SPTB: variants seen among roughly 807,000 people sequenced by gnomAD.
The protein encoded by SPTB is spectrin beta chain, erythrocytic.
In SPTB, 45 loss-of-function variants were observed where a neutral mutation model predicts 256.2. The observed-to-expected ratio is 0.18, with a 90% CI of 0.14 to 0.23. The LOEUF is 0.23. Among genes scored for constraint, SPTB ranks in the 10% least tolerant of loss-of-function variants. The pLI is 1.00. For missense variants in SPTB, 2,715 were observed against 3,040.4 expected, an observed-to-expected ratio of 0.89 and a Z score of 2.52; for synonymous variants, 1,231 against 1,243.1, an observed-to-expected ratio of 0.99 and a Z score of 0.21.
chr14:64,757,963 C>T (rs113315353), intron 32 of SPTB, among the ~76,000 whole-genome samples: 3,076 of 152,204 alleles, frequency 0.02, 43 homozygotes, highest in Non-Finnish European at 0.032. Flanking sequence ...CACCCCTTCC[C>T]AGGTGTTGGG....
At chr14:64,752,117 A>C in intron 33 of SPTB, 1 of 1,204,022 alleles carries the variant, frequency 8.3e-7, no homozygotes, top group South Asian at 1.3e-5. Context: ...AAAACAAAAC[A>C]CAAAAAAAGA....
At position 64,753,719 on chromosome 14, in the gene SPTB, T is replaced by C. The variant is rs769148718; in HGVS notation, c.6420A>G (p.Lys2140=). Residue 2140 remains lysine (K), a synonymous_variant, in exon 33 of 36, where the codon AAA becomes AAG. Coordinates refer to ENST00000644917, the MANE Select transcript of SPTB (RefSeq NM_001355436.2). ...TGGTGGGCCTCTCATCCCCAGTGGA[T>C]TTCTGCCCATCCTTGTGCTGACCCG... is the stretch of plus-strand genomic sequence containing the variant. ...PPPGQHKDGQ[K]STGDERPTTE... The C allele has an allele frequency of 4.3e-6, 7 of 1,613,778 alleles. 1 individual carries two copies. The South Asian group carries it at 7.7e-5, about 18-fold the overall frequency.
rs771754701 is a variant in SPTB at position 64,766,799 on chromosome 14, G to A, written c.6272C>T (p.Pro2091Leu). ...IAERPAEETG[P>L]QEEEGETAGE... ...TGCTGTCTCGCCTTCCTCCTCTTGA[G>A]GCCTAAGGAAGACACAGTCTCTCTT... Residue 2091 changes from proline (P) to leucine (L), a missense_variant and splice_region_variant, in exon 32 of 36, where the codon CCT (proline) becomes CTT (leucine). Around this residue, in one of 4 missense-constraint regions of SPTB, gnomAD observed 2,239 missense variants for 2,384.4 expected, o/e 0.94. Transcript: ENST00000644917. 3.1e-6 allele frequency: 5 copies of A among 1,611,238 alleles called. No individual in the cohort carries two copies. The South Asian group carries it at 5.5e-5, about 18-fold the overall frequency.
intron 2 of SPTB, among the ~76,000 whole-genome samples, chr14:64,817,383 AT>A (rs1189177401): frequency 6.6e-6 from 1 of 152,224 alleles, no homozygotes; most frequent in Non-Finnish European, 1.5e-5. Flanking sequence ...ATTTCTGTGG[AT>A]AGTATATTTT....
At chr14:64,817,321 T>C (rs6573574) in intron 2 of SPTB, among the ~76,000 whole-genome samples, 8,508 of 152,316 alleles carry the variant, frequency 0.056, 836 homozygotes, top group African/African-American at 0.19. Context: ...AGAAAGCTGC[T>C]GATCCAATTT....
intron 33 of SPTB, among the ~76,000 whole-genome samples, chr14:64,753,239 A>C (rs2081976176): frequency 6.6e-6 from 1 of 152,208 alleles, no homozygotes; most frequent in African/African-American, 2.4e-5. Context: ...CAGTATCTGT[A>C]GTGAAAAGAC....
In SPTB at chr14:64,793,195, A is replaced by T. The variant is rs1409112163; in HGVS notation, c.2468T>A (p.Leu823Gln). ...FRDSPDVTHR[L>Q]QALRELYQQV... ...TTGGTAGAGCTCCCGCAGGGCCTGC[A>T]GCCGATGGGTCACATCTGGGGAATC... The change falls in exon 14 of 36, where the codon CTG becomes CAG. Residue 823 changes from leucine to glutamine, a missense_variant. By Grantham distance (113) the Leu-to-Gln change is moderately radical. This residue lies in a region of SPTB where 2,239 missense variants were observed against 2,384.4 expected (regional missense o/e 0.94). Transcript: ENST00000644917. The surrounding 1 kb of genome is among the most constrained non-coding windows in gnomAD (Gnocchi z 7.0). 1 of 1,613,162 alleles carries T rather than the reference A, an allele frequency of 6.2e-7. No individual in the cohort carries two copies. Among genetic ancestry groups the T allele is most frequent in the Non-Finnish European group, 8.5e-7 (1 of 1,180,030 alleles).
chr14:64,822,360 T>C (rs2083303625), intron 2 of SPTB, among the ~76,000 whole-genome samples: 3 of 1,808 alleles, frequency 1.7e-3, no homozygotes, highest in Non-Finnish European at 3.1e-3. Flanking sequence ...CTTCTCTCTC[T>C]CTCTCTCTCT....
At chr14:64,855,070 A>G (rs1327600164) in intron 1 of SPTB, among the ~76,000 whole-genome samples, 1 of 152,204 alleles carries the variant, frequency 6.6e-6, no homozygotes, top group African/African-American at 2.4e-5. Flanking sequence ...TGGTCAAATG[A>G]CAGCAGAGAC....
intron 2 of SPTB, among the ~76,000 whole-genome samples, chr14:64,812,401 G>A (rs1200165283): frequency 6.6e-6 from 1 of 152,174 alleles, no homozygotes; most frequent in Admixed American, 6.5e-5. Flanking sequence ...AAAGGAGAGA[G>A]CAAGGCTGAT....
intron 15 of SPTB, among the ~76,000 whole-genome samples, chr14:64,788,168 G>A (rs1431760893): frequency 6.6e-6 from 1 of 152,214 alleles, no homozygotes; most frequent in East Asian, 1.9e-4. Context: ...TGGGGTGACA[G>A]TTGCTCACGT....
chr14:64,851,124 C>A (rs1379107432), intron 1 of SPTB, among the ~76,000 whole-genome samples: 1 of 152,108 alleles, frequency 6.6e-6, no homozygotes, highest in African/African-American at 2.4e-5. Context: ...ACACTACAGA[C>A]CCAGTGAGCA....
At chr14:64,817,970 T>G (rs1397865242) in intron 2 of SPTB, among the ~76,000 whole-genome samples, 3 of 152,228 alleles carry the variant, frequency 2.0e-5, no homozygotes, top group African/African-American at 7.2e-5. Context: ...ACACAGGCTG[T>G]AGTGCACCTG....
chr14:64,850,853 T>C (rs1476593679), intron 1 of SPTB, among the ~76,000 whole-genome samples: 1 of 152,222 alleles, frequency 6.6e-6, no homozygotes, highest in Admixed American at 6.5e-5. Flanking sequence ...CAGCCAGAGT[T>C]TGATGTACTC....
At chr14:64,870,443 G>A (rs376374059) in intron 1 of SPTB, among the ~76,000 whole-genome samples, 19 of 152,222 alleles carry the variant, frequency 1.2e-4, no homozygotes, top group Admixed American at 6.5e-4. Context: ...ATAAAACATC[G>A]CATAATATTT....
In SPTB at chr14:64,758,357, G is replaced by A. The variant is rs770586253; in HGVS notation, c.6346-4564C>T. On this transcript the variant is annotated intron_variant, in intron 32 of 35. Coordinates refer to ENST00000644917, the MANE Select transcript of SPTB (RefSeq NM_001355436.2). The surrounding 1 kb of genome is among the most constrained non-coding windows in gnomAD (Gnocchi z 4.6). Reference sequence around the variant, plus strand: ...TCAGTTGGAACATTCTGAGGCTTGAGACAGGAAGGGAGAAGCCATGTGAAC... The same window carrying A: ...TCAGTTGGAACATTCTGAGGCTTGAAACAGGAAGGGAGAAGCCATGTGAAC... Among the ~76,000 whole-genome samples, 1 of 152,248 alleles carries A rather than the reference G, an allele frequency of 6.6e-6. No homozygotes were observed. The highest frequency in any genetic ancestry group is 2.4e-5 in the African/African-American group (1 of 41,468).
In SPTB at chr14:64,802,544, T is replaced by G. The variant is rs1163094777; in HGVS notation, c.475-227A>C. ...GATGCTCCCTGAGCCCAGGGAAATC[T>G]GTCTTGGTCACTTGTCTGTCTCCAG... On this transcript the variant is annotated intron_variant, in intron 4 of 35. Transcript: ENST00000644917. The surrounding 1 kb of genome is among the most constrained non-coding windows in gnomAD (Gnocchi z 5.1). Among the ~76,000 whole-genome samples the G allele has an allele frequency of 6.6e-6, 1 of 152,156 alleles. No homozygotes were observed. Among genetic ancestry groups the G allele is most frequent in the Non-Finnish European group, 1.5e-5 (1 of 68,034 alleles).
chr14:64,841,741 A>G lies in SPTB; in HGVS notation c.-51-18596T>C, dbSNP rs1566797433. ...TCTCCCAGCTGCCCTCTGACATCCC[A>G]TATATATATATATATTTTTTAAGGG... is the stretch of plus-strand genomic sequence containing the variant. On this transcript the variant is annotated intron_variant, in intron 1 of 35. Coordinates refer to ENST00000644917, the MANE Select transcript of SPTB (RefSeq NM_001355436.2). This position sits in a 1 kb window ranked among gnomAD's most constrained non-coding sequence, Gnocchi z 4.6. Among the ~76,000 whole-genome samples the G allele has an allele frequency of 9.5e-6, 1 of 105,048 alleles. No individual in the cohort carries two copies. The highest frequency in any genetic ancestry group is 6.0e-5 in the African/African-American group (1 of 16,602). 68.9% of individuals were successfully genotyped at this position (105,048 alleles called of 152,430 possible). A position where few individuals can be genotyped will look rare whatever the true frequency, so the allele number is the denominator to read the frequency against.
At position 64,791,713 on chromosome 14, in the gene SPTB, C is replaced by T. The variant is rs867456110; in HGVS notation, c.2804+6G>A. ...GCCCCCGCCCCATGCCCTACCCACA[C>T]CCCACCTGGTGTTCAGATGGTCCTG... On this transcript the variant is annotated splice_donor_region_variant and intron_variant, in intron 15 of 35. Transcript: ENST00000644917. 3.7e-6 allele frequency: 6 copies of T among 1,614,068 alleles called. No homozygotes were observed. Among genetic ancestry groups the T allele is most frequent in the African/African-American group, 1.3e-5 (1 of 75,024 alleles).
Sources: allele counts gnomAD v4.1 joint callset (sites outside exome capture counted in the v4.1 genomes callset), GRCh38; gene constraint gnomAD v4.1.1; regional missense constraint gnomAD v4.1.1; non-coding constraint Gnocchi (gnomAD v3.1); transcripts MANE v1.5; gene names NCBI Gene and HGNC (gene_info 2026-07-23, HGNC 2026-07-21).